Variants in KHSRP observed in about 807,000 individuals in gnomAD.
The protein encoded by KHSRP is KH-type splicing regulatory protein.
KHSRP carries 13 observed loss-of-function variants against 94.9 expected under a neutral mutation model. The ratio of observed to expected loss-of-function variants is 0.14; its 90% CI spans 0.09 to 0.22. The LOEUF (loss-of-function observed/expected upper bound fraction) is 0.22, where lower values mean the gene tolerates loss of function less well. Among genes scored for constraint, KHSRP ranks in the 10% least tolerant of loss-of-function variants. The probability of loss-of-function intolerance (pLI) is 1.00; values close to 1 mark genes in which losing one functional copy is unlikely to be tolerated. For synonymous variants in KHSRP, 495 were observed against 401.4 expected (o/e 1.23, Z -2.79); for missense variants, 710 against 1,010.0 (o/e 0.70, Z 4.03).
Position 6,424,554 on chromosome 19 carries a change from GGCCGCCGCCGCCGGGACC to G in KHSRP, c.130_147del (p.Gly44_Gly49del), listed in dbSNP as rs1451311343. 5.0e-5 allele frequency: 49 copies of G among 971,346 alleles called. No individual in the cohort carries two copies. The highest frequency in any genetic ancestry group is 5.2e-4 in the Middle Eastern group (1 of 1,922). The allele number at this position is 971,346 out of a possible 1,614,324, so 60.2% of individuals were successfully genotyped here. A position where few individuals can be genotyped will look rare whatever the true frequency, so the allele number is the denominator to read the frequency against. On this transcript the variant is annotated inframe_deletion, in exon 1 of 19. Coordinates refer to ENST00000600480, the MANE Select transcript of KHSRP (RefSeq NM_001366299.1). ...GGGCCCCCGGCCGACCCCCCGCCCGGGCCGCCGCCGCCGGGACCGCCGCCGCCCCGGTCCCCCGCGCCT... is the reference window on the plus strand; with the variant it reads ...GGGCCCCCGGCCGACCCCCCGCCCGGGCCGCCGCCCCGGTCCCCCGCGCCT...
At position 6,414,209 on chromosome 19, in the gene KHSRP, C is replaced by CG; in HGVS notation, c.*814dup. ...CGGAAGAGAGGAGGGGCTGGAACAC[C>CG]GTGGGGGGGGCCAGGAAGCCCCCTC... On this transcript the variant is annotated 3_prime_UTR_variant, in exon 19 of 19. Coordinates refer to ENST00000600480, the MANE Select transcript of KHSRP (RefSeq NM_001366299.1). 1 of 1,464,618 alleles carries CG rather than the reference C, an allele frequency of 6.8e-7. No individual in the cohort carries two copies. The highest frequency in any genetic ancestry group is 9.1e-7 in the Non-Finnish European group (1 of 1,102,304). 90.7% of individuals were successfully genotyped at this position (1,464,618 alleles called of 1,614,324 possible). A position where few individuals can be genotyped will look rare whatever the true frequency, so the allele number is the denominator to read the frequency against.
chr19:6,417,933 C>A (rs773072309), intron 10 of KHSRP, 48 bp downstream of exon 10: 1 of 1,605,886 alleles, frequency 6.2e-7, no homozygotes. Context: ...CCCGGCCCCT[C>A]CCTCCACTGG....
At chr19:6,421,793 C>A in intron 2 of KHSRP, 105 bp from the exon 3 acceptor site, 1 of 1,341,172 alleles carries the variant, frequency 7.5e-7, no homozygotes, top group South Asian at 1.2e-5. Flanking sequence ...CCTCGGCCCC[C>A]ACCCTTAACA....
rs1238524444 is a variant in KHSRP, at chr19:6,415,361, C to T, written c.1966+19G>A. ...GTGAGGGCTGCCCCTGCCCCTGTCC[C>T]CGCATGGTGGCCACTCACCTTGCTT... On this transcript the variant is annotated intron_variant, in intron 18 of 18. Coordinates refer to ENST00000600480, the MANE Select transcript of KHSRP (RefSeq NM_001366299.1). The T allele has an allele frequency of 1.2e-6, 2 of 1,609,902 alleles. No individual in the cohort carries two copies. Among genetic ancestry groups the T allele is most frequent in the Non-Finnish European group, 1.7e-6 (2 of 1,178,352 alleles).
In KHSRP at chr19:6,424,568, G is replaced by A; in HGVS notation, c.134C>T (p.Pro45Leu). The part of the protein sequence containing the change: ...PGAGDRGGGG[P>L]GGGGPGGGSA... ...CCCCCCGCCCGGGCCGCCGCCGCCG[G>A]GACCGCCGCCGCCCCGGTCCCCCGC... Residue 45 changes from proline (P) to leucine (L), a missense_variant, in exon 1 of 19, where the codon CCC becomes CTC. Pro to Leu is a moderately conservative substitution (Grantham distance 98, BLOSUM62 -3). This residue lies in a region of KHSRP where 92 missense variants were observed against 80.8 expected (regional missense o/e 1.14). Coordinates refer to ENST00000600480, the MANE Select transcript of KHSRP (RefSeq NM_001366299.1). 1.0e-6 allele frequency: 1 copy of A among 962,976 alleles called. No homozygotes were observed. The highest frequency in any genetic ancestry group is 1.2e-6 in the Non-Finnish European group (1 of 814,270). 59.7% of individuals were successfully genotyped at this position (962,976 alleles called of 1,614,324 possible).
In KHSRP at chr19:6,420,106, G is replaced by C. The variant is rs377127610; in HGVS notation, c.514C>G (p.Gln172Glu). The C allele has an allele frequency of 1.2e-6, 2 of 1,613,514 alleles. No homozygotes were observed. Among genetic ancestry groups the C allele is most frequent in the Non-Finnish European group, 1.7e-6 (2 of 1,179,594 alleles). Residue 172 changes from glutamine to glutamate, a missense_variant, in exon 6 of 19, where the codon CAG becomes GAG. This residue lies in a region of KHSRP where 288 missense variants were observed against 501.1 expected (regional missense o/e 0.57). Coordinates refer to ENST00000600480, the MANE Select transcript of KHSRP (RefSeq NM_001366299.1). ...RGGEQINKIQ[Q>E]DSGCKVQISP... ...ATCTGTACTTTGCAGCCTGAATCCTGTTGGATTTTGTTAATTTGTTCACCT... is the reference window on the plus strand; with the variant it reads ...ATCTGTACTTTGCAGCCTGAATCCTCTTGGATTTTGTTAATTTGTTCACCT...
rs1044646045 is a variant in KHSRP, at chr19:6,414,876, G to A, written c.*148C>T. The A allele has an allele frequency of 5.9e-5, 79 of 1,328,402 alleles. No individual in the cohort carries two copies. In the Middle Eastern group the frequency reaches 1.1e-3, roughly 19 times the overall value. 82.3% of individuals were successfully genotyped at this position (1,328,402 alleles called of 1,614,324 possible). A position where few individuals can be genotyped will look rare whatever the true frequency, so the allele number is the denominator to read the frequency against. ...AGAAGTCCCGCCTGCGAGTCTCAGC[G>A]CTCCCCAGCATCACGACAGCGGCAC... On this transcript the variant is annotated 3_prime_UTR_variant, in exon 19 of 19. Coordinates refer to ENST00000600480, the MANE Select transcript of KHSRP (RefSeq NM_001366299.1).
At chr19:6,416,024 C>T in intron 15 of KHSRP, 128 bp from the exon 16 acceptor site, 1 of 675,988 alleles carries the variant, frequency 1.5e-6, no homozygotes, top group East Asian at 2.9e-5. Flanking sequence ...AACGGGGCGC[C>T]TGGGAAAGGC....
intron 15 of KHSRP, 66 bp downstream of exon 15, chr19:6,416,232 C>A: frequency 7.7e-7 from 1 of 1,305,634 alleles, no homozygotes. Flanking sequence ...GAAATGGGGT[C>A]TGCTATTCTT....
At position 6,421,191 on chromosome 19, in the gene KHSRP, C is replaced by T. The variant is rs903773048; in HGVS notation, c.425+87G>A. Reference sequence around the variant, plus strand: ...GGGGGATAAAACCTGAGAGATGTGCCCCCAGTCAGAGCCCTCCCAAGTCAG... The same window carrying T: ...GGGGGATAAAACCTGAGAGATGTGCTCCCAGTCAGAGCCCTCCCAAGTCAG... On this transcript the variant is annotated intron_variant, in intron 4 of 18. Coordinates refer to ENST00000600480, the MANE Select transcript of KHSRP (RefSeq NM_001366299.1). The T allele has an allele frequency of 3.0e-5, 38 of 1,250,378 alleles. 1 individual carries two copies. The South Asian group carries it at 4.6e-4, about 15-fold the overall frequency. 77.5% of individuals were successfully genotyped at this position (1,250,378 alleles called of 1,614,324 possible).
rs748851088 is a variant in KHSRP, at chr19:6,415,577, C to T, written c.1845G>A (p.Gln615=). 8.6e-6 allele frequency: 13 copies of T among 1,519,478 alleles called. No homozygotes were observed. In the East Asian group the frequency reaches 3.0e-4, roughly 35 times the overall value. The allele number at this position is 1,519,478 out of a possible 1,614,324, so 94.1% of individuals were successfully genotyped here. The change falls in exon 17 of 19, where the codon CAG becomes CAA. Residue 615 remains glutamine (Q), a synonymous_variant. Coordinates refer to ENST00000600480, the MANE Select transcript of KHSRP (RefSeq NM_001366299.1). ...CTTCCCAGGCCTTAGTGTAGTCCGA[C>T]TGGCCGGTGGGTGGGGGCTGAGGGG... The part of the protein sequence containing the change: ...GEPPQPPPTG[Q]SDYTKAWEEY...
intron 5 of KHSRP, 108 bp from the exon 6 acceptor site, chr19:6,420,252 G>A: frequency 8.6e-7 from 1 of 1,167,884 alleles, no homozygotes; most frequent in East Asian, 2.5e-5. Flanking sequence ...CAGGAGGGCA[G>A]CAGTCCTCTA....
Position 6,415,846 on chromosome 19 carries a change from G to A in KHSRP, c.1649C>T (p.Thr550Ile). ...AGCAGGCGGCTGCCACTGGGGGTAG[G>A]TATTGCCCCAGCCCTGGGGTGGGTA... ...HQYPPQGWGN[T>I]YPQWQPPAPH... Residue 550 changes from threonine to isoleucine, a missense_variant, in exon 16 of 19, where the codon ACC becomes ATC. Around this residue, in one of 5 missense-constraint regions of KHSRP, gnomAD observed 292 missense variants for 340.5 expected, o/e 0.86. Transcript: ENST00000600480. 6.3e-7 allele frequency: 1 copy of A among 1,575,762 alleles called. No individual in the cohort carries two copies. Among genetic ancestry groups the A allele is most frequent in the Non-Finnish European group, 8.6e-7 (1 of 1,161,656 alleles).
At position 6,415,297 on chromosome 19, in the gene KHSRP, T is replaced by G; in HGVS notation, c.1971A>C (p.Gln657His). The G allele has an allele frequency of 6.2e-7, 1 of 1,613,250 alleles. No individual in the cohort carries two copies. The highest frequency in any genetic ancestry group is 1.1e-5 in the South Asian group (1 of 91,080). Residue 657 changes from glutamine (Q) to histidine (H), a missense_variant, in exon 19 of 19, where the codon CAA (glutamine) becomes CAC (histidine). This residue lies in a region of KHSRP where 292 missense variants were observed against 340.5 expected (regional missense o/e 0.86). Coordinates refer to ENST00000600480, the MANE Select transcript of KHSRP (RefSeq NM_001366299.1). ...CTCCTGGACCCCCTCCGGTGGCCAC[T>G]TGCGCTGTGGGTGGACAAAGGCAGG... Reference protein sequence around the residue: ...AWEEYYKKQAQVATGGGPGAP... With the variant: ...AWEEYYKKQAHVATGGGPGAP...
rs1316205684 is a variant in KHSRP, at chr19:6,414,740, A to G, written c.*284T>C. On this transcript the variant is annotated 3_prime_UTR_variant, in exon 19 of 19. Transcript: ENST00000600480. ...CCAAAAAAGTGATGCAGAGAAGGGG[A>G]AAAAATAGACGTTTTCTTCCCAAGT... The G allele has an allele frequency of 3.8e-6, 4 of 1,060,220 alleles. No homozygotes were observed. Among genetic ancestry groups the G allele is most frequent in the Non-Finnish European group, 4.5e-6 (4 of 882,110 alleles). The allele number at this position is 1,060,220 out of a possible 1,614,324, so 65.7% of individuals were successfully genotyped here.
chr19:6,414,246 C>G lies in KHSRP; in HGVS notation c.*778G>C, dbSNP rs1400885803. 1.3e-6 allele frequency: 2 copies of G among 1,489,198 alleles called. No homozygotes were observed. The highest frequency in any genetic ancestry group is 8.9e-7 in the Non-Finnish European group (1 of 1,118,182). The allele number at this position is 1,489,198 out of a possible 1,614,324, so 92.2% of individuals were successfully genotyped here. ...CAGGAAGCCCCCTCCCAAACCTGCG[C>G]TGGCTCAGGCTGGAAGGACGTGCTT... is the stretch of plus-strand genomic sequence containing the variant. On this transcript the variant is annotated 3_prime_UTR_variant, in exon 19 of 19. Transcript: ENST00000600480.
rs770996886 is a variant in KHSRP at position 6,414,733 on chromosome 19, G to C, written c.*291C>G. 2.1e-4 allele frequency: 224 copies of C among 1,058,632 alleles called. No individual in the cohort carries two copies. The highest frequency in any genetic ancestry group is 2.4e-4 in the Non-Finnish European group (215 of 877,842). 65.6% of individuals were successfully genotyped at this position (1,058,632 alleles called of 1,614,324 possible). A position where few individuals can be genotyped will look rare whatever the true frequency, so the allele number is the denominator to read the frequency against. On this transcript the variant is annotated 3_prime_UTR_variant, in exon 19 of 19. Transcript: ENST00000600480. ...ACAAAAACCAAAAAAGTGATGCAGA[G>C]AAGGGGAAAAAATAGACGTTTTCTT...
chr19:6,419,018 C>G (rs1452216525), intron 7 of KHSRP, 142 bp from the exon 8 acceptor site: 2 of 1,127,222 alleles, frequency 1.8e-6, no homozygotes, highest in East Asian at 5.2e-5. Flanking sequence ...AGGGGCTGTT[C>G]AGGCTCCAGG....
rs955950799 is a variant in KHSRP at position 6,414,759 on chromosome 19, C to G, written c.*265G>C. On this transcript the variant is annotated 3_prime_UTR_variant, in exon 19 of 19. Coordinates refer to ENST00000600480, the MANE Select transcript of KHSRP (RefSeq NM_001366299.1). ...AAGGGGAAAAAATAGACGTTTTCTT[C>G]CCAAGTGGCCAGATTGTGAGCGAGG... The G allele has an allele frequency of 1.8e-6, 2 of 1,096,142 alleles. No homozygotes were observed. Among genetic ancestry groups the G allele is most frequent in the African/African-American group, 3.3e-5 (2 of 60,834 alleles). 67.9% of individuals were successfully genotyped at this position (1,096,142 alleles called of 1,614,324 possible).
Sources: gnomAD v4.1 joint callset for allele counts on GRCh38, gnomAD v4.1.1 for gene constraint, gnomAD v4.1.1 regional missense constraint, MANE v1.5 for transcripts, NCBI Gene and HGNC (gene_info 2026-07-23, HGNC 2026-07-21) for gene names.